Variants in UGT1A8 observed in about 807,000 individuals in gnomAD.
UGT1A8 encodes the protein UDP-glucuronosyltransferase 1A8.
Under a neutral mutation model 45.3 loss-of-function variants are expected in UGT1A8, and 39 were observed. The observed-to-expected ratio is 0.86, with a 90% confidence interval of 0.67 to 1.12. UGT1A8 has a LOEUF of 1.12. Among genes scored for constraint, UGT1A8 ranks in the 50% most tolerant of loss-of-function variants. The pLI is 0.00. For synonymous variants in UGT1A8, 275 were observed against 249.2 expected (o/e 1.10, Z -0.97); for missense variants, 719 against 664.9 (o/e 1.08, Z -0.90).
At chr2:233,757,567 T>TATATATATATATATATATATATA (rs1553619947) in intron 1 of UGT1A8, among the ~76,000 whole-genome samples, 8 of 142,914 alleles carry the variant, frequency 5.6e-5, no homozygotes, top group Non-Finnish European at 1.1e-4. Context: ...TATATGTATA[T>TATATATATATATATATATATATA]ATGATATAGC....
At chr2:233,673,930 C>A (rs543938287) in intron 1 of UGT1A8, among the ~76,000 whole-genome samples, 1 of 152,128 alleles carries the variant, frequency 6.6e-6, no homozygotes, top group Non-Finnish European at 1.5e-5. Context: ...TTCCAAAGCA[C>A]TATTGAGTAA....
chr2:233,746,330 C>T (rs1183707871), intron 1 of UGT1A8, among the ~76,000 whole-genome samples: 1 of 151,730 alleles, frequency 6.6e-6, no homozygotes, highest in African/African-American at 2.4e-5. Context: ...ATCTACAGGG[C>T]AATGGACATG....
intron 1 of UGT1A8, among the ~76,000 whole-genome samples, chr2:233,659,259 C>T (rs190505085): frequency 5.6e-4 from 86 of 152,228 alleles, no homozygotes; most frequent in African/African-American, 2.0e-3. Context: ...GGGATACCAA[C>T]CTCGCAGGTA....
chr2:233,677,066 C>A (rs1252813499), intron 1 of UGT1A8, among the ~76,000 whole-genome samples: 1 of 151,404 alleles, frequency 6.6e-6, no homozygotes, highest in Non-Finnish European at 1.5e-5. Context: ...AAAATAAGTT[C>A]ATTAATGTGT....
At chr2:233,656,025 G>A (rs982162935) in intron 1 of UGT1A8, among the ~76,000 whole-genome samples, 5 of 152,036 alleles carry the variant, frequency 3.3e-5, no homozygotes, top group Non-Finnish European at 7.4e-5. Flanking sequence ...CATGACCTCT[G>A]GCAAATACCA....
intron 1 of UGT1A8, chr2:233,719,680 T>C: frequency 1.2e-6 from 2 of 1,614,092 alleles, no homozygotes; most frequent in Non-Finnish European, 1.7e-6. Flanking sequence ...GGGAAGCCAC[T>C]ATCTCAGGTC....
intron 1 of UGT1A8, among the ~76,000 whole-genome samples, chr2:233,750,994 C>T (rs1482728432): frequency 6.6e-6 from 1 of 151,790 alleles, no homozygotes; most frequent in Non-Finnish European, 1.5e-5. Context: ...AGGCGGCCAC[C>T]ATCCTCCAGA....
chr2:233,649,543 T>A (rs1208309736), intron 1 of UGT1A8, among the ~76,000 whole-genome samples: 2 of 152,228 alleles, frequency 1.3e-5, no homozygotes, highest in Non-Finnish European at 2.9e-5. Flanking sequence ...GAAAATCAAA[T>A]CAACTATCAG....
chr2:233,757,637 C>T (rs375047032), intron 1 of UGT1A8, among the ~76,000 whole-genome samples: 1 of 148,590 alleles, frequency 6.7e-6, no homozygotes, highest in Non-Finnish European at 1.5e-5. Context: ...CAGAACAGAA[C>T]AAAATGCTGT....
intron 1 of UGT1A8, chr2:233,740,801 T>C (rs1183144283): frequency 3.3e-5 from 5 of 152,052 alleles, no homozygotes; most frequent in African/African-American, 1.2e-4. Context: ...TAACAGGCTC[T>C]AGCACTGTTC....
rs777601918 is a variant in UGT1A8, at chr2:233,713,151, A to G, written c.856-53883A>G. ...GGAGGCCTTGCGGGACCTCCATGCGAGAGGCCACCAGGTGGTGGTCCTCAC... is the reference window on the plus strand; with the variant it reads ...GGAGGCCTTGCGGGACCTCCATGCGGGAGGCCACCAGGTGGTGGTCCTCAC... On this transcript the variant is annotated intron_variant, in intron 1 of 4. Coordinates refer to ENST00000373450, the MANE Select transcript of UGT1A8 (RefSeq NM_019076.5). 26 of 1,614,124 alleles carry G rather than the reference A, an allele frequency of 1.6e-5. No individual in the cohort carries two copies. Among genetic ancestry groups the G allele is most frequent in the Non-Finnish European group, 2.2e-5 (26 of 1,180,052 alleles).
intron 1 of UGT1A8, among the ~76,000 whole-genome samples, chr2:233,746,122 CTG>C: frequency 6.6e-6 from 1 of 151,872 alleles, no homozygotes; most frequent in Non-Finnish European, 1.5e-5. Flanking sequence ...GTCTGCAAAA[CTG>C]TGGACTGGCA....
intron 1 of UGT1A8, chr2:233,691,022 A>C: frequency 1.0e-6 from 1 of 993,022 alleles, no homozygotes; most frequent in Non-Finnish European, 1.2e-6. Context: ...TGTGGTTGGA[A>C]GGGCTCAGAC....
chr2:233,658,245 C>T (rs1227295329), intron 1 of UGT1A8, among the ~76,000 whole-genome samples: 2 of 152,162 alleles, frequency 1.3e-5, no homozygotes, highest in Admixed American at 1.3e-4. Flanking sequence ...CCTCAAACTC[C>T]TGACCTCAAG....
At chr2:233,693,127 T>A (rs779383196) in intron 1 of UGT1A8, 1 of 1,614,216 alleles carries the variant, frequency 6.2e-7, no homozygotes, top group South Asian at 1.1e-5. Flanking sequence ...ACTGGCTTAG[T>A]ATGAAGGATA....
At chr2:233,653,950 A>G (rs936085350) in intron 1 of UGT1A8, among the ~76,000 whole-genome samples, 7 of 152,230 alleles carry the variant, frequency 4.6e-5, no homozygotes, top group South Asian at 2.1e-4. Context: ...TCTCTTCATT[A>G]TTGAGGACAT....
At chr2:233,767,784 A>T in intron 2 of UGT1A8, 65 bp from the exon 3 acceptor site, 1 of 1,613,694 alleles carries the variant, frequency 6.2e-7, no homozygotes. Context: ...TAGTTAGTAT[A>T]GCAGATTTGT....
intron 1 of UGT1A8, chr2:233,741,799 G>C (rs1253457401): frequency 6.6e-6 from 1 of 151,906 alleles, no homozygotes; most frequent in Non-Finnish European, 1.5e-5. Flanking sequence ...TTACCAGCAT[G>C]CTGCTCTTAA....
At chr2:233,671,883 G>T in intron 1 of UGT1A8, 1 of 1,551,892 alleles carries the variant, frequency 6.4e-7, no homozygotes. Context: ...CCCACCTACT[G>T]TATCATAGGA....
Sources: allele counts gnomAD v4.1 joint callset (sites outside exome capture counted in the v4.1 genomes callset), GRCh38; gene constraint gnomAD v4.1.1; transcripts MANE v1.5; gene names NCBI Gene and HGNC (gene_info 2026-07-23, HGNC 2026-07-21).